GRM1: variants seen among roughly 807,000 people sequenced by gnomAD.
The protein encoded by GRM1 is metabotropic glutamate receptor 1.
Under a neutral mutation model 90.9 loss-of-function variants are expected in GRM1, and 33 were observed. That is an observed-to-expected ratio of 0.36 (90% CI 0.28 to 0.49). The LOEUF (loss-of-function observed/expected upper bound fraction) is 0.49. Among genes scored for constraint, GRM1 ranks in the 20% least tolerant of loss-of-function variants. GRM1 has a pLI of 0.99. For synonymous variants in GRM1, 700 were observed against 613.2 expected (o/e 1.14, Z -2.09); for missense variants, 1,190 against 1,534.3 (o/e 0.78, Z 3.75).
chr6:146,046,474 T>A (rs1791335756), intron 1 of GRM1, among the ~76,000 whole-genome samples: 1 of 151,982 alleles, frequency 6.6e-6, no homozygotes, highest in Non-Finnish European at 1.5e-5. Context: ...CTCTGAAGGA[T>A]CTCCTGATCA....
intron 1 of GRM1, among the ~76,000 whole-genome samples, chr6:146,139,518 C>T (rs1776753863): frequency 6.6e-6 from 1 of 152,128 alleles, no homozygotes; most frequent in African/African-American, 2.4e-5. Context: ...TATATATTTA[C>T]AATTGTTATA....
intron 3 of GRM1, among the ~76,000 whole-genome samples, chr6:146,341,749 A>G (rs765058563): frequency 4.6e-5 from 7 of 152,192 alleles, no homozygotes; most frequent in Non-Finnish European, 7.3e-5. Flanking sequence ...TGTTTTGGTA[A>G]GCTTGTGCAA....
At chr6:146,403,388 G>C (rs565827290) in intron 7 of GRM1, among the ~76,000 whole-genome samples, 2 of 152,168 alleles carry the variant, frequency 1.3e-5, no homozygotes, top group South Asian at 4.1e-4. Context: ...ATGCAAAATT[G>C]TGTACAAAAC....
At chr6:146,157,542 A>G (rs1436499845) in intron 1 of GRM1, among the ~76,000 whole-genome samples, 1 of 152,230 alleles carries the variant, frequency 6.6e-6, no homozygotes, top group African/African-American at 2.4e-5. Context: ...ACATTGACCT[A>G]GGCAACTATT....
At chr6:146,348,008 T>G (rs981436646) in intron 3 of GRM1, among the ~76,000 whole-genome samples, 6 of 152,210 alleles carry the variant, frequency 3.9e-5, no homozygotes, top group Admixed American at 1.3e-4. Flanking sequence ...AGGTATTCTT[T>G]TGAAAGTAAA....
At chr6:146,390,805 C>T (rs1424526976) in intron 6 of GRM1, among the ~76,000 whole-genome samples, 1 of 151,966 alleles carries the variant, frequency 6.6e-6, no homozygotes, top group African/African-American at 2.4e-5. Flanking sequence ...TCATATGAAA[C>T]TAGCCATGTA....
chr6:146,365,150 A>T (rs887670401), intron 5 of GRM1: 9 of 152,194 alleles, frequency 5.9e-5, no homozygotes, highest in Non-Finnish European at 1.2e-4. Flanking sequence ...TTATGTAATG[A>T]TGAGATCTGC....
Position 146,434,803 on chromosome 6 carries a change from A to G in GRM1, c.*7A>G. 6.3e-7 allele frequency: 1 copy of G among 1,594,270 alleles called. No homozygotes were observed. Among genetic ancestry groups the G allele is most frequent in the Non-Finnish European group, 8.5e-7 (1 of 1,175,730 alleles). On this transcript the variant is annotated 3_prime_UTR_variant, in exon 8 of 8. Transcript: ENST00000282753. ...AAGCTCTTCCACCCTGTAAGGGGGA[A>G]GGGTCCACATAGAAAAGCAAGACAA...
intron 1 of GRM1, among the ~76,000 whole-genome samples, chr6:146,094,081 A>G (rs1053638304): frequency 1.3e-5 from 2 of 152,112 alleles, no homozygotes. Flanking sequence ...TCTGATAATA[A>G]TTGGCTACAT....
At chr6:146,108,804 G>A (rs113282479) in intron 1 of GRM1, among the ~76,000 whole-genome samples, 3 of 152,298 alleles carry the variant, frequency 2.0e-5, no homozygotes, top group African/African-American at 7.2e-5. Flanking sequence ...TAATGATATG[G>A]ACCATACAAT....
At chr6:146,263,404 C>T (rs1459314329) in intron 2 of GRM1, among the ~76,000 whole-genome samples, 19 of 151,748 alleles carry the variant, frequency 1.3e-4, no homozygotes, top group Admixed American at 1.2e-3. Context: ...AAGAATTAAC[C>T]AAACATAGTG....
At chr6:146,086,274 C>T (rs1016219618) in intron 1 of GRM1, among the ~76,000 whole-genome samples, 12 of 152,132 alleles carry the variant, frequency 7.9e-5, no homozygotes, top group Admixed American at 7.9e-4. Context: ...TCCTCTTGCC[C>T]AGGTCATTTC....
chr6:146,297,651 G>C (rs1401190286), intron 2 of GRM1, among the ~76,000 whole-genome samples: 1 of 152,192 alleles, frequency 6.6e-6, no homozygotes, highest in African/African-American at 2.4e-5. Context: ...GGTCTGTTAG[G>C]GGGGATTTGT....
At chr6:146,307,703 C>T (rs922533227) in intron 3 of GRM1, among the ~76,000 whole-genome samples, 5 of 152,162 alleles carry the variant, frequency 3.3e-5, no homozygotes, top group African/African-American at 1.2e-4. Context: ...GTTTCTGTCA[C>T]TCCTTTTTAC....
chr6:146,209,107 A>G (rs1158522853), intron 2 of GRM1, among the ~76,000 whole-genome samples: 1 of 152,156 alleles, frequency 6.6e-6, no homozygotes, highest in Non-Finnish European at 1.5e-5. Flanking sequence ...TAGAGACCTA[A>G]GTCATTTCAT....
intron 6 of GRM1, among the ~76,000 whole-genome samples, chr6:146,392,823 A>G (rs1776780533): frequency 6.6e-6 from 1 of 152,112 alleles, no homozygotes; most frequent in Non-Finnish European, 1.5e-5. Flanking sequence ...GCTGAGAATG[A>G]TGGTTTCCAG....
chr6:146,302,151 C>T lies in GRM1; in HGVS notation c.951-2460C>T, dbSNP rs765163700. 4.6e-5 allele frequency among the ~76,000 whole-genome samples: 7 copies of T among 151,572 alleles called. No individual in the cohort carries two copies. In the East Asian group the frequency reaches 7.7e-4, roughly 17 times the overall value. On this transcript the variant is annotated intron_variant, in intron 2 of 7. Coordinates refer to ENST00000282753, the MANE Select transcript of GRM1 (RefSeq NM_001278064.2). ...TTCTTGTATGTTAATCTGCCAGGAA[C>T]CTTCTATACCAAACCCTCCCCTTCT...
At chr6:146,093,206 A>T (rs551107001) in intron 1 of GRM1, among the ~76,000 whole-genome samples, 1 of 152,262 alleles carries the variant, frequency 6.6e-6, no homozygotes, top group Non-Finnish European at 1.5e-5. Context: ...GCCATGTCAG[A>T]TGGGAAAGCC....
At chr6:146,192,069 A>G (rs1434801507) in intron 2 of GRM1, among the ~76,000 whole-genome samples, 1 of 152,176 alleles carries the variant, frequency 6.6e-6, no homozygotes, top group African/African-American at 2.4e-5. Flanking sequence ...ACAATTTAAG[A>G]TTGCTTAACT....
Sources: gnomAD v4.1 joint callset for allele counts (sites outside exome capture counted in the v4.1 genomes callset) on GRCh38, gnomAD v4.1.1 for gene constraint, MANE v1.5 for transcripts, NCBI Gene and HGNC (gene_info 2026-07-23, HGNC 2026-07-21) for gene names.